Variants in GPR63 observed in about 807,000 individuals in gnomAD.
GPR63 encodes the protein probable G protein-coupled receptor 63.
GPR63 carries 12 observed loss-of-function variants against 23.1 expected under a neutral mutation model. The ratio of observed to expected loss-of-function variants is 0.52; its 90% CI spans 0.33 to 0.84. The LOEUF (loss-of-function observed/expected upper bound fraction) is 0.84, where lower values mean the gene tolerates loss of function less well. Among genes scored for constraint, GPR63 ranks in the 40% least tolerant of loss-of-function variants. The pLI, the probability that GPR63 is intolerant of heterozygous loss-of-function variation, is 0.02. For missense variants in GPR63, 472 were observed against 515.6 expected, an observed-to-expected ratio of 0.92 and a Z score of 0.82; for synonymous variants, 172 against 191.1, an observed-to-expected ratio of 0.90 and a Z score of 0.82.
chr6:96,823,927 C>A (rs1371430108), intron 1 of GPR63, among the ~76,000 whole-genome samples: 2 of 152,096 alleles, frequency 1.3e-5, no homozygotes, highest in Non-Finnish European at 2.9e-5. Flanking sequence ...GGCTTACCAT[C>A]TAGGCTTGTG....
intron 1 of GPR63, among the ~76,000 whole-genome samples, chr6:96,814,066 T>C (rs1562119803): frequency 1.3e-5 from 2 of 152,208 alleles, no homozygotes; most frequent in East Asian, 3.8e-4. Flanking sequence ...AAAAAAATAC[T>C]TTTTGTAAAT....
At chr6:96,802,283 A>G (rs1466502793) in intron 1 of GPR63, among the ~76,000 whole-genome samples, 1 of 152,194 alleles carries the variant, frequency 6.6e-6, no homozygotes, top group Non-Finnish European at 1.5e-5. Context: ...TCCCACAACT[A>G]TAAAAACTTC....
At position 96,794,317 on chromosome 6, in the gene GPR63, A is replaced by G. The variant is rs1360902546; in HGVS notation, c.*4155T>C. Reference sequence around the variant, plus strand: ...AATTACAAAGGTCTAGTACCAATAGATATCTAAGAAATGTATAATTTACCT... The same window carrying G: ...AATTACAAAGGTCTAGTACCAATAGGTATCTAAGAAATGTATAATTTACCT... On this transcript the variant is annotated 3_prime_UTR_variant, in exon 2 of 2. Transcript: ENST00000229955. 1 of 152,122 alleles carries G rather than the reference A, an allele frequency of 6.6e-6. No individual in the cohort carries two copies. Among genetic ancestry groups the G allele is most frequent in the Non-Finnish European group, 1.5e-5 (1 of 68,004 alleles). The allele number at this position is 152,122 out of a possible 1,614,324, so 9.4% of individuals were successfully genotyped here. A position where few individuals can be genotyped will look rare whatever the true frequency, so the allele number is the denominator to read the frequency against.
At chr6:96,834,115 C>T (rs1774660674) in intron 1 of GPR63, among the ~76,000 whole-genome samples, 1 of 152,100 alleles carries the variant, frequency 6.6e-6, no homozygotes, top group African/African-American at 2.4e-5. Context: ...CAAATCTTGT[C>T]CATATTTACT....
chr6:96,799,443 G>A lies in GPR63; in HGVS notation c.289C>T (p.Leu97Phe), dbSNP rs1413811943. The A allele has an allele frequency of 2.5e-6, 4 of 1,613,972 alleles. No homozygotes were observed. The highest frequency in any genetic ancestry group is 3.4e-6 in the Non-Finnish European group (4 of 1,180,040). The change falls in exon 2 of 2, where the codon CTT (leucine) becomes TTT (phenylalanine). Residue 97 changes from leucine (L) to phenylalanine (F), a missense_variant. Transcript: ENST00000229955. Reference protein sequence around the residue: ...IMIFILFVSFLGNLVVCLMVY... With the variant: ...IMIFILFVSFFGNLVVCLMVY... ...ATGAGGCAAACAACCAAGTTCCCAA[G>A]AAAAGACACAAACAGAATGAATATC... is the stretch of plus-strand genomic sequence containing the variant.
At chr6:96,809,462 A>C (rs867086862) in intron 1 of GPR63, among the ~76,000 whole-genome samples, 2 of 152,192 alleles carry the variant, frequency 1.3e-5, no homozygotes, top group African/African-American at 4.8e-5. Context: ...AGATATAAAG[A>C]TATACAGATT....
At chr6:96,807,328 G>A (rs1470603670) in intron 1 of GPR63, among the ~76,000 whole-genome samples, 1 of 142,488 alleles carries the variant, frequency 7.0e-6, no homozygotes, top group East Asian at 1.9e-4. Flanking sequence ...AGATCAATCT[G>A]GCTATAGCCA....
chr6:96,795,865 T>C lies in GPR63; in HGVS notation c.*2607A>G, dbSNP rs1460785952. ...TTTATATGGAAAATGGAGAGCATAA[T>C]ACACTTCAAAATGCTACTAGTATCT... is the stretch of plus-strand genomic sequence containing the variant. On this transcript the variant is annotated 3_prime_UTR_variant, in exon 2 of 2. Coordinates refer to ENST00000229955, the MANE Select transcript of GPR63 (RefSeq NM_030784.4). 6.6e-6 allele frequency: 1 copy of C among 152,194 alleles called. No homozygotes were observed. The highest frequency in any genetic ancestry group is 2.4e-5 in the African/African-American group (1 of 41,440). 9.4% of individuals were successfully genotyped at this position (152,194 alleles called of 1,614,324 possible).
At chr6:96,806,161 AG>A (rs1773890895) in intron 1 of GPR63, among the ~76,000 whole-genome samples, 1 of 152,214 alleles carries the variant, frequency 6.6e-6, no homozygotes, top group African/African-American at 2.4e-5. Context: ...CTGACTATAC[AG>A]TAAGTGGCAA....
At chr6:96,802,773 G>GT (rs1169784502) in intron 1 of GPR63, among the ~76,000 whole-genome samples, 1 of 149,338 alleles carries the variant, frequency 6.7e-6, no homozygotes, top group Admixed American at 6.7e-5. Context: ...GTTTTTTAAT[G>GT]TTTTAAGGCA....
chr6:96,836,539 C>T (rs1774732706), intron 1 of GPR63, among the ~76,000 whole-genome samples: 1 of 152,032 alleles, frequency 6.6e-6, no homozygotes. Context: ...CAAGACTAAA[C>T]GATCTCTTTG....
chr6:96,827,477 T>C (rs1774472466), intron 1 of GPR63, among the ~76,000 whole-genome samples: 1 of 152,098 alleles, frequency 6.6e-6, no homozygotes, highest in African/African-American at 2.4e-5. Flanking sequence ...GGATTGTAAA[T>C]AGAAGTTTCC....
intron 1 of GPR63, among the ~76,000 whole-genome samples, chr6:96,813,967 G>A (rs557086680): frequency 2.0e-5 from 3 of 151,880 alleles, no homozygotes; most frequent in Non-Finnish European, 2.9e-5. Flanking sequence ...GTAAAAAGTG[G>A]TATATTTGAA....
At chr6:96,804,373 C>A (rs1027218113) in intron 1 of GPR63, among the ~76,000 whole-genome samples, 1 of 152,104 alleles carries the variant, frequency 6.6e-6, no homozygotes, top group Non-Finnish European at 1.5e-5. Flanking sequence ...TTGTTTTATT[C>A]TCTGAAAAGG....
intron 1 of GPR63, among the ~76,000 whole-genome samples, chr6:96,818,640 A>C (rs1386239914): frequency 1.3e-5 from 2 of 152,206 alleles, no homozygotes; most frequent in Non-Finnish European, 2.9e-5. Context: ...TGAGTGAAGA[A>C]AAGCTGTATA....
In GPR63 at chr6:96,822,301, C is replaced by T. The variant is rs146663982; in HGVS notation, c.-151+14967G>A. ...AATGTTGACTCATCCTCAAAAAAAA[C>T]GGCAAATCTGTTTTGACCTTGATTC... On this transcript the variant is annotated intron_variant, in intron 1 of 1. Transcript: ENST00000229955. Among the ~76,000 whole-genome samples the T allele has an allele frequency of 4.7e-4, 71 of 152,070 alleles. 1 individual carries two copies. The highest frequency in any genetic ancestry group is 3.4e-3 in the Middle Eastern group (1 of 294).
intron 1 of GPR63, among the ~76,000 whole-genome samples, chr6:96,811,024 C>G (rs1035078908): frequency 1.3e-5 from 2 of 152,182 alleles, no homozygotes; most frequent in African/African-American, 4.8e-5. Context: ...GTATGCCACT[C>G]TCTATGGAAA....
chr6:96,827,364 G>C (rs1245800508), intron 1 of GPR63, among the ~76,000 whole-genome samples: 3 of 151,982 alleles, frequency 2.0e-5, no homozygotes, highest in African/African-American at 7.2e-5. Context: ...CGAAAACAAT[G>C]AAAGATAAAA....
At chr6:96,833,860 C>T (rs1324759598) in intron 1 of GPR63, among the ~76,000 whole-genome samples, 1 of 152,014 alleles carries the variant, frequency 6.6e-6, no homozygotes, top group Non-Finnish European at 1.5e-5. Context: ...AATTCTTTAG[C>T]ATATCACTCA....
Sources: gnomAD v4.1 joint callset for allele counts (sites outside exome capture counted in the v4.1 genomes callset) on GRCh38, gnomAD v4.1.1 for gene constraint, MANE v1.5 for transcripts, NCBI Gene and HGNC (gene_info 2026-07-23, HGNC 2026-07-21) for gene names.